Variants in NGLY1 observed in about 807,000 individuals in gnomAD.
NGLY1 encodes N-glycanase 1.
Under a neutral mutation model 84.6 loss-of-function variants are expected in NGLY1, and 68 were observed. That is an observed-to-expected ratio of 0.80 (90% CI 0.66 to 0.98). The LOEUF is 0.98. Ranked by LOEUF, NGLY1 falls within the 50% of genes least tolerant of loss-of-function variation. The pLI is 0.00. For synonymous variants in NGLY1, 280 were observed against 275.2 expected (o/e 1.02, Z -0.17); for missense variants, 779 against 770.2 (o/e 1.01, Z -0.14).
chr3:25,735,015 T>A, intron 7 of NGLY1: 1 of 276,036 alleles, frequency 3.6e-6, no homozygotes, highest in Non-Finnish European at 5.6e-6. Context: ...CTAGAACAAT[T>A]CATTATCCAT....
At chr3:25,771,619 G>A (rs1440045173) in intron 2 of NGLY1, among the ~76,000 whole-genome samples, 1 of 152,086 alleles carries the variant, frequency 6.6e-6, no homozygotes, top group Non-Finnish European at 1.5e-5. Context: ...ATTGCTTTTG[G>A]TAGTATGGTC....
intron 4 of NGLY1, among the ~76,000 whole-genome samples, chr3:25,748,798 T>C (rs1706571446): frequency 6.6e-6 from 1 of 152,166 alleles, no homozygotes; most frequent in South Asian, 2.1e-4. Flanking sequence ...AATTCACTAA[T>C]TTAAATTCAC....
chr3:25,719,882 A>AT lies in NGLY1; in HGVS notation c.1789+131dup, dbSNP rs5847370. ...AATGGGATCACACAGGGTTTATTAA[A>AT]TTTTTTTTTTTTTACTGAAATAGTA... is the stretch of plus-strand genomic sequence containing the variant. On this transcript the variant is annotated intron_variant, in intron 11 of 11. Transcript: ENST00000280700. 0.57 allele frequency: 336,466 copies of AT among 595,180 alleles called. 54,690 individuals carry two copies. Among genetic ancestry groups the AT allele is most frequent in the Admixed American group, 0.64 (16,671 of 26,230 alleles). The allele number at this position is 595,180 out of a possible 1,614,324, so 36.9% of individuals were successfully genotyped here.
At chr3:25,769,334 C>G (rs1030693780) in intron 2 of NGLY1, among the ~76,000 whole-genome samples, 2 of 152,024 alleles carry the variant, frequency 1.3e-5, no homozygotes, top group Admixed American at 1.3e-4. Context: ...AGACTCCAGC[C>G]TGGGCAACGA....
At chr3:25,731,786 C>A (rs1299536603) in intron 9 of NGLY1, among the ~76,000 whole-genome samples, 1 of 152,074 alleles carries the variant, frequency 6.6e-6, no homozygotes, top group Non-Finnish European at 1.5e-5. Context: ...CTCACTGACA[C>A]AAAGTTACAC....
intron 3 of NGLY1, among the ~76,000 whole-genome samples, chr3:25,752,148 T>G (rs764213406): frequency 6.6e-6 from 1 of 152,212 alleles, no homozygotes; most frequent in Non-Finnish European, 1.5e-5. Context: ...GAAAAAACTT[T>G]AAAAAGTTTC....
chr3:25,774,379 TTA>T (rs1396416571), intron 2 of NGLY1, among the ~76,000 whole-genome samples: 1 of 152,096 alleles, frequency 6.6e-6, no homozygotes, highest in Non-Finnish European at 1.5e-5. Flanking sequence ...TCCCAAGAGA[TTA>T]TGTCTTTTCT....
intron 2 of NGLY1, among the ~76,000 whole-genome samples, chr3:25,767,896 T>TGAGGTAGG (rs1198643771): frequency 8.1e-6 from 1 of 123,020 alleles, no homozygotes; most frequent in East Asian, 2.9e-4. Flanking sequence ...GTGGATCACT[T>TGAGGTAGG]GAGGTAGGGA....
chr3:25,719,285 A>T lies in NGLY1; in HGVS notation c.*175T>A. On this transcript the variant is annotated 3_prime_UTR_variant, in exon 12 of 12. Coordinates refer to ENST00000280700, the MANE Select transcript of NGLY1 (RefSeq NM_018297.4). ...CATATGGAAGAAAGGTTTTAATTCAATATTTTATTATAGTCCACGTATAAA... is the reference window on the plus strand; with the variant it reads ...CATATGGAAGAAAGGTTTTAATTCATTATTTTATTATAGTCCACGTATAAA... 6.4e-6 allele frequency: 3 copies of T among 467,884 alleles called. No homozygotes were observed. In the Admixed American group the frequency reaches 1.1e-4, roughly 17 times the overall value. 29.0% of individuals were successfully genotyped at this position (467,884 alleles called of 1,614,324 possible). A position where few individuals can be genotyped will look rare whatever the true frequency, so the allele number is the denominator to read the frequency against.
At chr3:25,782,325 C>T (rs1400145069) in intron 1 of NGLY1, among the ~76,000 whole-genome samples, 2 of 152,090 alleles carry the variant, frequency 1.3e-5, no homozygotes, top group African/African-American at 2.4e-5. Flanking sequence ...GCACCAGGGG[C>T]TGAGGGGAAC....
intron 4 of NGLY1, among the ~76,000 whole-genome samples, chr3:25,747,840 G>C (rs1706517122): frequency 6.6e-6 from 1 of 152,156 alleles, no homozygotes; most frequent in Admixed American, 6.6e-5. Flanking sequence ...TAGCAATTTT[G>C]ACAAACTGCT....
At chr3:25,787,025 C>A (rs952134414), upstream of NGLY1, among the ~76,000 whole-genome samples, 1 of 152,226 alleles carries the variant, frequency 6.6e-6, no homozygotes, top group African/African-American at 2.4e-5. Context: ...GCAACAGCAG[C>A]ATCAGCAGGA....
chr3:25,737,980 T>C (rs1705929655), intron 5 of NGLY1, among the ~76,000 whole-genome samples: 1 of 152,192 alleles, frequency 6.6e-6, no homozygotes, highest in Non-Finnish European at 1.5e-5. Flanking sequence ...TGAACACAAA[T>C]AATTTAAATA....
At chr3:25,729,386 C>A in intron 9 of NGLY1, 68 bp from the exon 10 acceptor site, 3 of 1,000,462 alleles carry the variant, frequency 3.0e-6, no homozygotes, top group South Asian at 7.5e-5. Context: ...AGAGAAATTA[C>A]TAAGCAGAGT....
chr3:25,736,578 G>A, intron 6 of NGLY1: 1 of 472,766 alleles, frequency 2.1e-6, no homozygotes, highest in Non-Finnish European at 3.8e-6. Context: ...TTGATTTTAA[G>A]AGAACACTAA....
intron 4 of NGLY1, among the ~76,000 whole-genome samples, chr3:25,743,621 C>T (rs1706265033): frequency 6.6e-6 from 1 of 152,078 alleles, no homozygotes; most frequent in African/African-American, 2.4e-5. Flanking sequence ...GTTTTGTTCA[C>T]TGCTATATCC....
At chr3:25,736,592 T>C in intron 6 of NGLY1, 1 of 445,006 alleles carries the variant, frequency 2.2e-6, no homozygotes. Flanking sequence ...ACACTAACTA[T>C]TAATGGAAGG....
intron 2 of NGLY1, among the ~76,000 whole-genome samples, chr3:25,767,409 T>C (rs955868130): frequency 5.3e-5 from 8 of 152,124 alleles, no homozygotes; most frequent in Non-Finnish European, 1.2e-4. Context: ...CCCTGACCAC[T>C]AAATGCTGAA....
At chr3:25,757,344 T>A (rs1707092836) in intron 3 of NGLY1, among the ~76,000 whole-genome samples, 1 of 152,206 alleles carries the variant, frequency 6.6e-6, no homozygotes, top group Non-Finnish European at 1.5e-5. Flanking sequence ...ATTCACCAAC[T>A]GTGTGACCTT....
Sources: allele counts gnomAD v4.1 joint callset (sites outside exome capture counted in the v4.1 genomes callset), GRCh38; gene constraint gnomAD v4.1.1; transcripts MANE v1.5; gene names NCBI Gene and HGNC (gene_info 2026-07-23, HGNC 2026-07-21).